SEMA6D: variants seen among roughly 807,000 people sequenced by gnomAD.
The protein encoded by SEMA6D is semaphorin 6D.
A neutral mutation model predicts 106.6 loss-of-function variants in SEMA6D; 35 were observed. That is an observed-to-expected ratio of 0.33 (90% confidence interval 0.25 to 0.44). The LOEUF (loss-of-function observed/expected upper bound fraction) is 0.44, where lower values mean the gene tolerates loss of function less well. Among genes scored for constraint, SEMA6D ranks in the 20% least tolerant of loss-of-function variants. SEMA6D has a pLI of 1.00. For missense variants in SEMA6D, 1,185 were observed against 1,345.9 expected, an observed-to-expected ratio of 0.88 and a Z score of 1.87; for synonymous variants, 499 against 487.7, an observed-to-expected ratio of 1.02 and a Z score of -0.31.
At chr15:47,567,681 A>G (rs1289889580) in intron 3 of SEMA6D, among the ~76,000 whole-genome samples, 2 of 152,050 alleles carry the variant, frequency 1.3e-5, no homozygotes, top group Non-Finnish European at 2.9e-5. Flanking sequence ...AGTTCTTATA[A>G]CTGTCTAATA....
In SEMA6D at chr15:47,407,902, C is replaced by G. The variant is rs1215680863; in HGVS notation, c.-238-4491C>G. The stretch of plus-strand genomic sequence containing the variant: ...GGGGGATGGCGCCCTCACCCCTTCT[C>G]CCTCCTTTCTGCACCTTGGTGGTGG... On this transcript the variant is annotated intron_variant, in intron 1 of 19. Transcript: ENST00000558014. Among the ~76,000 whole-genome samples, 3 of 152,134 alleles carry G rather than the reference C, an allele frequency of 2.0e-5. No homozygotes were observed. In the East Asian group the frequency reaches 5.8e-4, roughly 29 times the overall value.
chr15:47,540,880 C>G (rs993566196), intron 3 of SEMA6D, among the ~76,000 whole-genome samples: 13 of 152,062 alleles, frequency 8.5e-5, no homozygotes, highest in Non-Finnish European at 1.8e-4. Context: ...TACAATTTTT[C>G]TAAAAGCTGA....
chr15:47,312,653 C>T (rs941279252), intron 1 of SEMA6D, among the ~76,000 whole-genome samples: 7 of 151,914 alleles, frequency 4.6e-5, no homozygotes, highest in Admixed American at 2.0e-4. Flanking sequence ...TAGGTCATTA[C>T]GTGTGCAATT....
At chr15:47,470,363 C>A (rs965394507) in intron 2 of SEMA6D, 1 of 148,378 alleles carries the variant, frequency 6.7e-6, no homozygotes, top group Non-Finnish European at 1.5e-5. Flanking sequence ...GAATTATGAA[C>A]CTAATTCCAA....
intron 3 of SEMA6D, among the ~76,000 whole-genome samples, chr15:47,501,830 C>T (rs1333376044): frequency 6.6e-6 from 1 of 151,890 alleles, no homozygotes; most frequent in Non-Finnish European, 1.5e-5. Flanking sequence ...AATTTTGGTA[C>T]CACCTACTGG....
chr15:47,498,915 C>T (rs1401486544), intron 3 of SEMA6D, among the ~76,000 whole-genome samples: 1 of 152,086 alleles, frequency 6.6e-6, no homozygotes, highest in Non-Finnish European at 1.5e-5. Flanking sequence ...ACATTGTCAA[C>T]TATTTATACC....
intron 3 of SEMA6D, among the ~76,000 whole-genome samples, chr15:47,482,621 ATTAG>A (rs1205114065): frequency 2.0e-5 from 3 of 152,156 alleles, no homozygotes; most frequent in Non-Finnish European, 2.9e-5. Flanking sequence ...TAGTGTTAAT[ATTAG>A]TTAGCATGAA....
At chr15:47,559,381 A>G (rs2046011806) in intron 3 of SEMA6D, among the ~76,000 whole-genome samples, 1 of 152,116 alleles carries the variant, frequency 6.6e-6, no homozygotes, top group African/African-American at 2.4e-5. Context: ...CATGAAAAAT[A>G]CTGAGCTTCA....
intron 1 of SEMA6D, among the ~76,000 whole-genome samples, chr15:47,403,524 A>C (rs1398697167): frequency 6.6e-6 from 1 of 152,238 alleles, no homozygotes; most frequent in Non-Finnish European, 1.5e-5. Flanking sequence ...AAGAATTCAC[A>C]ATCTAACACA....
chr15:47,741,936 A>T (rs754693052), intron 1 of SEMA6D, among the ~76,000 whole-genome samples: 1 of 152,158 alleles, frequency 6.6e-6, no homozygotes, highest in Non-Finnish European at 1.5e-5. Flanking sequence ...AAATGGATAG[A>T]GTGTCCTGCG....
chr15:47,637,050 G>T (rs146901032), intron 4 of SEMA6D, among the ~76,000 whole-genome samples: 111 of 152,224 alleles, frequency 7.3e-4, no homozygotes, highest in Middle Eastern at 6.8e-3. Context: ...GGCAGAGAAG[G>T]GGCCCAGGAG....
chr15:47,643,176 A>G (rs1806175126), intron 4 of SEMA6D, among the ~76,000 whole-genome samples: 1 of 152,240 alleles, frequency 6.6e-6, no homozygotes, highest in African/African-American at 2.4e-5. Context: ...ATGTGTACTG[A>G]CAAGAAGACC....
chr15:47,653,557 T>A (rs2077733456), intron 4 of SEMA6D, among the ~76,000 whole-genome samples: 1 of 152,244 alleles, frequency 6.6e-6, no homozygotes, highest in South Asian at 2.1e-4. Flanking sequence ...CAGAGCTTAG[T>A]GGTTCTCTAG....
intron 1 of SEMA6D, among the ~76,000 whole-genome samples, chr15:47,221,166 C>G (rs1289373575): frequency 1.3e-5 from 2 of 152,124 alleles, no homozygotes; most frequent in Non-Finnish European, 1.5e-5. Flanking sequence ...TAGAAGATAA[C>G]CTGTAGAAGA....
chr15:47,691,746 A>G (rs2078590430), intron 4 of SEMA6D, among the ~76,000 whole-genome samples: 1 of 152,044 alleles, frequency 6.6e-6, no homozygotes, highest in Non-Finnish European at 1.5e-5. Context: ...TAGTTCATTC[A>G]TTTATTCAAA....
chr15:47,240,673 T>C (rs1380117301), intron 1 of SEMA6D, among the ~76,000 whole-genome samples: 2 of 152,168 alleles, frequency 1.3e-5, no homozygotes, highest in Non-Finnish European at 2.9e-5. Flanking sequence ...TATTAACATT[T>C]ATTTTCTTAC....
At chr15:47,265,548 A>G (rs1208434020) in intron 1 of SEMA6D, among the ~76,000 whole-genome samples, 1 of 151,346 alleles carries the variant, frequency 6.6e-6, no homozygotes, top group Non-Finnish European at 1.5e-5. Flanking sequence ...CATACTTACA[A>G]TGGCTACTTT....
intron 4 of SEMA6D, among the ~76,000 whole-genome samples, chr15:47,678,499 A>G (rs2145540292): frequency 6.6e-6 from 1 of 152,326 alleles, no homozygotes; most frequent in Middle Eastern, 3.4e-3. Context: ...TTACATCAAC[A>G]CTATGATACT....
intron 1 of SEMA6D, among the ~76,000 whole-genome samples, chr15:47,369,292 T>C (rs1016933685): frequency 6.6e-6 from 1 of 152,224 alleles, no homozygotes; most frequent in Non-Finnish European, 1.5e-5. Context: ...TGTCGAAAGT[T>C]GCATCTGGCT....
Sources: gnomAD v4.1 joint callset for allele counts (sites outside exome capture counted in the v4.1 genomes callset) on GRCh38, gnomAD v4.1.1 for gene constraint, MANE v1.5 for transcripts, NCBI Gene and HGNC (gene_info 2026-07-23, HGNC 2026-07-21) for gene names.